The following CCDC9 variants were observed in gnomAD, a reference collection of about 807,000 sequenced individuals.
CCDC9 encodes coiled-coil domain containing 9.
Under a neutral mutation model 65.6 loss-of-function variants are expected in CCDC9, and 52 were observed. The ratio of observed to expected loss-of-function variants is 0.79; its 90% confidence interval spans 0.63 to 1.00. CCDC9 has a LOEUF of 1.00. Ranked by LOEUF, CCDC9 falls within the 50% of genes least tolerant of loss-of-function variation. CCDC9 has a pLI of 0.00. For missense variants in CCDC9, 834 were observed against 757.2 expected, an observed-to-expected ratio of 1.10 and a Z score of -1.19; for synonymous variants, 332 against 280.3, an observed-to-expected ratio of 1.18 and a Z score of -1.84.
chr19:47,272,471 A>G (rs537663178), downstream of CCDC9, among the ~76,000 whole-genome samples: 2 of 152,072 alleles, frequency 1.3e-5, no homozygotes, highest in Non-Finnish European at 2.9e-5. Flanking sequence ...TTTAAGAGTA[A>G]TGGGGTGTGG....
intron 8 of CCDC9, among the ~76,000 whole-genome samples, chr19:47,268,729 AAC>A (rs1191839892): frequency 6.6e-6 from 1 of 151,768 alleles, no homozygotes; most frequent in Non-Finnish European, 1.5e-5. Flanking sequence ...CATCCTGGCT[AAC>A]ACGGTGAAAC....
In CCDC9 at chr19:47,271,155, C is replaced by G. The variant is rs1235139805; in HGVS notation, c.1159C>G (p.Pro387Ala). 3 of 1,591,978 alleles carry G rather than the reference C, an allele frequency of 1.9e-6. No individual in the cohort carries two copies. Among genetic ancestry groups the G allele is most frequent in the Non-Finnish European group, 2.6e-6 (3 of 1,171,112 alleles). Reference sequence around the variant, plus strand: ...CCCTGAGACTCCACAGCCTACTTCCCCCGAGACTTCCCCCAAGGAGACACC... The same window carrying G: ...CCCTGAGACTCCACAGCCTACTTCCGCCGAGACTTCCCCCAAGGAGACACC... Reference protein sequence around the residue: ...PAPETPQPTSPETSPKETPMQ... With the variant: ...PAPETPQPTSAETSPKETPMQ... Residue 387 changes from proline (P) to alanine (A), a missense_variant, in exon 11 of 12, where the codon CCC (proline) becomes GCC (alanine). Pro to Ala is a conservative substitution (Grantham distance 27). Coordinates refer to ENST00000221922, the MANE Select transcript of CCDC9 (RefSeq NM_015603.3).
At chr19:47,262,552 C>T (rs1193395411) in intron 5 of CCDC9, among the ~76,000 whole-genome samples, 1 of 152,046 alleles carries the variant, frequency 6.6e-6, no homozygotes, top group African/African-American at 2.4e-5. Context: ...GCCCCTAGGT[C>T]CTGGTCATTG....
At chr19:47,270,280 CT>C in intron 8 of CCDC9, 126 bp from the exon 9 acceptor site, 1 of 881,750 alleles carries the variant, frequency 1.1e-6, no homozygotes, top group South Asian at 1.5e-5. Flanking sequence ...TGTCCTACTT[CT>C]AGTGTCCCCT....
downstream of CCDC9, chr19:47,272,274 CATAGAGGTGAGG>C (rs1568643436): frequency 1.5e-6 from 1 of 677,722 alleles, no homozygotes; most frequent in Non-Finnish European, 2.0e-6. Flanking sequence ...GCAGTTGGAC[CATAGAGGTGAGG>C]TGAAAAGGGT....
chr19:47,267,193 T>C (rs2059087860), intron 8 of CCDC9, among the ~76,000 whole-genome samples: 1 of 152,170 alleles, frequency 6.6e-6, no homozygotes, highest in Admixed American at 6.5e-5. Flanking sequence ...CTCAATCTCC[T>C]GTCCTTGTGA....
At chr19:47,273,443 C>T (rs1003381511), downstream of CCDC9, 8 of 1,206,354 alleles carry the variant, frequency 6.6e-6, no homozygotes, top group East Asian at 2.5e-4. Flanking sequence ...CCCTCCGCTG[C>T]CGGGGGCCGC....
chr19:47,258,491 C>T, intron 2 of CCDC9, 68 bp from the exon 3 acceptor site: 5 of 1,605,110 alleles, frequency 3.1e-6, no homozygotes, highest in Non-Finnish European at 4.3e-6. Flanking sequence ...ACTCTCAGAC[C>T]CTGGGGGAAA....
downstream of CCDC9, chr19:47,275,088 C>G (rs1032331008): frequency 2.7e-5 from 40 of 1,495,188 alleles, no homozygotes; most frequent in Non-Finnish European, 3.1e-5. Flanking sequence ...CATCTGGGTA[C>G]CCACGCGGTC....
At chr19:47,259,632 T>C (rs1369199272) in intron 3 of CCDC9, among the ~76,000 whole-genome samples, 1 of 152,180 alleles carries the variant, frequency 6.6e-6, no homozygotes, top group Non-Finnish European at 1.5e-5. Context: ...CATTTATTCA[T>C]TCTTCATGTA....
At chr19:47,258,274 G>A (rs2059023737) in intron 1 of CCDC9, 56 bp from the exon 2 acceptor site, 7 of 934,810 alleles carry the variant, frequency 7.5e-6, no homozygotes, top group Non-Finnish European at 1.2e-5. Context: ...TATGTTAGAG[G>A]GTGAAGTAGG....
At chr19:47,265,509 A>G (rs1394464833) in intron 7 of CCDC9, among the ~76,000 whole-genome samples, 1 of 152,122 alleles carries the variant, frequency 6.6e-6, no homozygotes, top group Admixed American at 6.6e-5. Flanking sequence ...AGGCAGGGGC[A>G]GTGTCCTTGC....
At chr19:47,259,716 C>T (rs1224511127) in intron 3 of CCDC9, among the ~76,000 whole-genome samples, 1 of 152,256 alleles carries the variant, frequency 6.6e-6, no homozygotes, top group Non-Finnish European at 1.5e-5. Context: ...GGATACACGT[C>T]AGTGACATAC....
chr19:47,268,409 A>G (rs2059096138), intron 8 of CCDC9, among the ~76,000 whole-genome samples: 1 of 151,776 alleles, frequency 6.6e-6, no homozygotes. Context: ...GCTAAGGAGG[A>G]TTTTGTCTGT....
chr19:47,271,596 A>G lies in CCDC9; in HGVS notation c.1514A>G (p.Glu505Gly). 1 of 1,612,592 alleles carries G rather than the reference A, an allele frequency of 6.2e-7. No homozygotes were observed. Among genetic ancestry groups the G allele is most frequent in the South Asian group, 1.1e-5 (1 of 91,022 alleles). The change falls in exon 12 of 12, where the codon GAG (glutamate) becomes GGG (glycine). Residue 505 changes from glutamate to glycine, a missense_variant. Coordinates refer to ENST00000221922, the MANE Select transcript of CCDC9 (RefSeq NM_015603.3). ...GHQPVSDWGE[E>G]VELNSPRTTH... ...CAGCCTGTGTCCGATTGGGGTGAAGAGGTGGAGCTGAATTCTCCCCGGACC... is the reference window on the plus strand; with the variant it reads ...CAGCCTGTGTCCGATTGGGGTGAAGGGGTGGAGCTGAATTCTCCCCGGACC...
chr19:47,270,536 C>T lies in CCDC9; in HGVS notation c.950-17C>T. 6.2e-7 allele frequency: 1 copy of T among 1,614,176 alleles called. No individual in the cohort carries two copies. The highest frequency in any genetic ancestry group is 1.7e-4 in the Middle Eastern group (1 of 6,056). On this transcript the variant is annotated splice_polypyrimidine_tract_variant and intron_variant, in intron 9 of 11. Coordinates refer to ENST00000221922, the MANE Select transcript of CCDC9 (RefSeq NM_015603.3). ...GCCACACCTTCCCTTCCCAATGACA[C>T]CTGGGTTCTGTTGCAGATGACCAGG...
In CCDC9 at chr19:47,260,379, G is replaced by T; in HGVS notation, c.167G>T (p.Arg56Leu). 1.9e-6 allele frequency: 3 copies of T among 1,605,606 alleles called. No homozygotes were observed. The highest frequency in any genetic ancestry group is 2.6e-6 in the Non-Finnish European group (3 of 1,176,052). ...GAGGGAGTCGCAGTCACAGCTCCCC[G>T]AAAGGGCCGCTCAGTGGAGAAGGAG... ...ELEGVAVTAPRKGRSVEKENV... is the reference protein window; with the variant it reads ...ELEGVAVTAPLKGRSVEKENV... The change falls in exon 4 of 12, where the codon CGA becomes CTA. Residue 56 changes from arginine (R) to leucine (L), a missense_variant. Transcript: ENST00000221922.
chr19:47,275,306 C>T, downstream of CCDC9: 4 of 1,546,636 alleles, frequency 2.6e-6, no homozygotes, highest in Non-Finnish European at 3.5e-6. Context: ...GCCAGACACC[C>T]AGAGAGACGC....
intron 5 of CCDC9, 53 bp from the exon 6 acceptor site, chr19:47,264,549 CG>C: frequency 6.6e-7 from 1 of 1,512,336 alleles, no homozygotes; most frequent in Non-Finnish European, 9.0e-7. Context: ...TCTCCTGCAC[CG>C]GCAGCTTAAT....
Sources: allele counts gnomAD v4.1 joint callset (sites outside exome capture counted in the v4.1 genomes callset), GRCh38; gene constraint gnomAD v4.1.1; transcripts MANE v1.5; gene names NCBI Gene and HGNC (gene_info 2026-07-23, HGNC 2026-07-21).